The following SLC29A4 variants were observed in gnomAD, a reference collection of about 807,000 sequenced individuals.
The protein encoded by SLC29A4 is solute carrier family 29 member 4, also known as equilibrative nucleoside transporter 4.
Under a neutral mutation model 43.9 loss-of-function variants are expected in SLC29A4, and 36 were observed. The ratio of observed to expected loss-of-function variants is 0.82; its 90% CI spans 0.63 to 1.08. The LOEUF (loss-of-function observed/expected upper bound fraction) is 1.08, where lower values mean the gene tolerates loss of function less well. Ranked by LOEUF, SLC29A4 falls within the 50% of genes least tolerant of loss-of-function variation. SLC29A4 has a pLI of 0.00. For synonymous variants in SLC29A4, 491 were observed against 338.0 expected (o/e 1.45, Z -4.97); for missense variants, 869 against 755.3 (o/e 1.15, Z -1.77).
intron 9 of SLC29A4, 103 bp from the exon 10 acceptor site, chr7:5,300,319 C>G: frequency 4.5e-6 from 7 of 1,560,506 alleles, no homozygotes; most frequent in African/African-American, 1.4e-5. Context: ...CTGGACAGGC[C>G]CAGGAGTGTT....
intron 1 of SLC29A4, among the ~76,000 whole-genome samples, chr7:5,286,874 C>A (rs1293292489): frequency 6.6e-6 from 1 of 152,212 alleles, no homozygotes; most frequent in African/African-American, 2.4e-5. Context: ...AAGGCAGCTT[C>A]CTCCCAGAGG....
Position 5,298,976 on chromosome 7 carries a change from T to C in SLC29A4, c.883-12T>C. ...TCCACTCCAACCCCATCCCACTCCA[T>C]CCTCCCTCCAGGAGCACCCAGCCCC... On this transcript the variant is annotated splice_polypyrimidine_tract_variant and intron_variant, in intron 7 of 10. Coordinates refer to ENST00000396872, the MANE Select transcript of SLC29A4 (RefSeq NM_153247.4). 6.2e-7 allele frequency: 1 copy of C among 1,605,394 alleles called. No homozygotes were observed. Among genetic ancestry groups the C allele is most frequent in the Non-Finnish European group, 8.5e-7 (1 of 1,178,686 alleles).
Position 5,300,365 on chromosome 7 carries a change from G to A in SLC29A4, c.1210-57G>A. ...GATGTGGCTAGAGGCTGTCGGGGGT[G>A]TGAGGCGAGTGGGGCTGTGGCCGGG... On this transcript the variant is annotated intron_variant, in intron 9 of 10. Transcript: ENST00000396872. 1.5e-5 allele frequency: 24 copies of A among 1,606,292 alleles called. No individual in the cohort carries two copies. In the South Asian group the frequency reaches 2.3e-4, roughly 15 times the overall value.
At chr7:5,290,052 A>AT (rs386409422) in intron 2 of SLC29A4, among the ~76,000 whole-genome samples, 30,032 of 116,780 alleles carry the variant, frequency 0.26, 4,704 homozygotes, top group East Asian at 0.39. Flanking sequence ...TGCCCAGCTA[A>AT]TTTTTTTTTT....
At position 5,306,172 on chromosome 7, in the gene SLC29A4, A is replaced by G. The variant is rs1786476745; in HGVS notation, c.*3233A>G. On this transcript the variant is annotated 3_prime_UTR_variant, in exon 11 of 11. Coordinates refer to ENST00000396872, the MANE Select transcript of SLC29A4 (RefSeq NM_153247.4). ...CCAACTTAACTTTTAATTTTTTCTC[A>G]TGTAAATTTGTTCAATTTCTTTTTT... is the stretch of plus-strand genomic sequence containing the variant. 7.8e-6 allele frequency: 1 copy of G among 128,748 alleles called. No individual in the cohort carries two copies. Among genetic ancestry groups the G allele is most frequent in the South Asian group, 2.7e-4 (1 of 3,764 alleles). 8.0% of individuals were successfully genotyped at this position (128,748 alleles called of 1,614,324 possible).
intron 5 of SLC29A4, among the ~76,000 whole-genome samples, chr7:5,294,501 G>A (rs1286825381): frequency 2.0e-5 from 3 of 152,060 alleles, no homozygotes; most frequent in African/African-American, 4.8e-5. Flanking sequence ...TGCTCCATAC[G>A]GTCTCTCAGG....
At chr7:5,293,049 T>C (rs1785413185) in intron 5 of SLC29A4, among the ~76,000 whole-genome samples, 1 of 151,548 alleles carries the variant, frequency 6.6e-6, no homozygotes, top group Non-Finnish European at 1.5e-5. Flanking sequence ...ACATCCTCTC[T>C]AGATTCATAC....
At chr7:5,294,657 G>C (rs1421255469) in intron 5 of SLC29A4, among the ~76,000 whole-genome samples, 3 of 152,266 alleles carry the variant, frequency 2.0e-5, no homozygotes, top group Non-Finnish European at 4.4e-5. Context: ...CGTTTCATCT[G>C]TCAGAGCTTG....
chr7:5,297,073 C>A lies in SLC29A4; in HGVS notation c.757C>A (p.Arg253=). ...GTGTTTCCTGCTGCACCTGTTAGTG[C>A]GGCGCAGCCGCTTCGTGCTCTTCTA... ...LLCFLLHLLV[R]RSRFVLFYTT... The change falls in exon 7 of 11, where the codon CGG becomes AGG. Residue 253 remains arginine (R), a synonymous_variant. Coordinates refer to ENST00000396872, the MANE Select transcript of SLC29A4 (RefSeq NM_153247.4). The A allele has an allele frequency of 6.2e-7, 1 of 1,607,748 alleles. No homozygotes were observed. Among genetic ancestry groups the A allele is most frequent in the Non-Finnish European group, 8.5e-7 (1 of 1,179,698 alleles).
chr7:5,283,999 G>T (rs1249867302), intron 1 of SLC29A4, among the ~76,000 whole-genome samples: 17 of 151,052 alleles, frequency 1.1e-4, no homozygotes, highest in African/African-American at 3.9e-4. Context: ...GCCGGAGGGG[G>T]TCACTGGGCC....
At chr7:5,286,326 C>T (rs1315432568) in intron 1 of SLC29A4, among the ~76,000 whole-genome samples, 3 of 151,946 alleles carry the variant, frequency 2.0e-5, no homozygotes, top group Non-Finnish European at 4.4e-5. Flanking sequence ...AGGTCGAGAC[C>T]ATCCTGGCCA....
intron 1 of SLC29A4, among the ~76,000 whole-genome samples, chr7:5,287,577 C>T (rs1326435444): frequency 2.0e-5 from 3 of 152,172 alleles, no homozygotes; most frequent in Non-Finnish European, 4.4e-5. Flanking sequence ...AGGTTTAGGC[C>T]CTTGCCTAAG....
intron 2 of SLC29A4, 42 bp from the exon 3 acceptor site, chr7:5,290,690 G>A: frequency 6.3e-7 from 1 of 1,579,236 alleles, no homozygotes; most frequent in Non-Finnish European, 8.6e-7. Flanking sequence ...CTGTAGCCAT[G>A]CGTGGAGCGT....
In SLC29A4 at chr7:5,296,895, C is replaced by T. The variant is rs181930968; in HGVS notation, c.620-41C>T. ...GGGCGGGACGGGGCGGTGCAGGGAG[C>T]TGGGCGGATCAGGCCCCGGCCCACT... is the stretch of plus-strand genomic sequence containing the variant. On this transcript the variant is annotated intron_variant, in intron 6 of 10. Coordinates refer to ENST00000396872, the MANE Select transcript of SLC29A4 (RefSeq NM_153247.4). 2.6e-3 allele frequency: 3,678 copies of T among 1,434,982 alleles called. 87 individuals carry two copies. In the East Asian group the frequency reaches 0.049, roughly 19 times the overall value. 88.9% of individuals were successfully genotyped at this position (1,434,982 alleles called of 1,614,324 possible).
rs1328422541 is a variant in SLC29A4 at position 5,302,887 on chromosome 7, G to A, written c.1541G>A (p.Gly514Asp). ...CTYSLTRDAH[G>D]SCLHASTANG... ...TACAGCCTCACCCGCGACGCTCACG[G>A]CAGCTGCCTGCACGCCTCCACCGCC... The change falls in exon 11 of 11, where the codon GGC becomes GAC. Residue 514 changes from glycine (G) to aspartate (D), a missense_variant. Transcript: ENST00000396872. 7 of 1,605,088 alleles carry A rather than the reference G, an allele frequency of 4.4e-6. No homozygotes were observed. Among genetic ancestry groups the A allele is most frequent in the Non-Finnish European group, 5.9e-6 (7 of 1,176,680 alleles).
chr7:5,303,258 GCACCGTGTCCC>G lies in SLC29A4; in HGVS notation c.*324_*334del, dbSNP rs1201784925. ...CAGCCAGCACTCTGCAGGGTCACAC[GCACCGTGTCCC>G]CACCCAGGACAGCAGACACCCGCCA... On this transcript the variant is annotated 3_prime_UTR_variant, in exon 11 of 11. Transcript: ENST00000396872. 2.3e-6 allele frequency: 1 copy of G among 435,538 alleles called. No homozygotes were observed. The highest frequency in any genetic ancestry group is 4.2e-6 in the Non-Finnish European group (1 of 238,556). 27.0% of individuals were successfully genotyped at this position (435,538 alleles called of 1,614,324 possible). A position where few individuals can be genotyped will look rare whatever the true frequency, so the allele number is the denominator to read the frequency against.
rs1785756857 is a variant in SLC29A4, at chr7:5,297,192, C to G, written c.876C>G (p.Val292=). The G allele has an allele frequency of 6.3e-7, 1 of 1,587,446 alleles. No individual in the cohort carries two copies. The highest frequency in any genetic ancestry group is 8.5e-7 in the Non-Finnish European group (1 of 1,171,996). Residue 292 remains valine, a synonymous_variant, in exon 7 of 11, where the codon GTC becomes GTG. Coordinates refer to ENST00000396872, the MANE Select transcript of SLC29A4 (RefSeq NM_153247.4). The part of the protein sequence containing the change: ...RVHHDVVAGD[V]HFEHPAPALA... ...ACCACGACGTTGTCGCCGGGGACGT[C>G]CACTTCGTAAGTGCGCACCGCCCAC...
At chr7:5,301,417 G>GGA (rs1184154611) in intron 10 of SLC29A4, among the ~76,000 whole-genome samples, 1 of 152,310 alleles carries the variant, frequency 6.6e-6, no homozygotes, top group African/African-American at 2.4e-5. Flanking sequence ...ACCTCACTGA[G>GGA]GAGGTGACTT....
chr7:5,297,403 C>T (rs762300974), intron 7 of SLC29A4, among the ~76,000 whole-genome samples: 13 of 152,236 alleles, frequency 8.5e-5, no homozygotes, highest in Admixed American at 2.6e-4. Flanking sequence ...CGTCTCGTGG[C>T]CTAAGGCCCC....
Sources: allele counts gnomAD v4.1 joint callset (sites outside exome capture counted in the v4.1 genomes callset), GRCh38; gene constraint gnomAD v4.1.1; transcripts MANE v1.5; gene names NCBI Gene and HGNC (gene_info 2026-07-23, HGNC 2026-07-21).